The following TTLL5 variants were observed in gnomAD, a reference collection of about 807,000 sequenced individuals.
TTLL5 encodes tubulin tyrosine ligase like 5.
Under a neutral mutation model 168.4 loss-of-function variants are expected in TTLL5, and 132 were observed. The ratio of observed to expected loss-of-function variants is 0.78; its 90% CI spans 0.68 to 0.91. The LOEUF is 0.91. Ranked by LOEUF, TTLL5 falls within the 40% of genes least tolerant of loss-of-function variation. The probability of loss-of-function intolerance (pLI) is 0.00; values close to 1 mark genes in which losing one functional copy is unlikely to be tolerated. For missense variants in TTLL5, 1,545 were observed against 1,581.5 expected, an observed-to-expected ratio of 0.98 and a Z score of 0.39; for synonymous variants, 546 against 558.6, an observed-to-expected ratio of 0.98 and a Z score of 0.32.
At chr14:75,907,950 T>G (rs2033212611) in intron 31 of TTLL5, among the ~76,000 whole-genome samples, 1 of 152,224 alleles carries the variant, frequency 6.6e-6, no homozygotes, top group African/African-American at 2.4e-5. Context: ...ACTGTGATAC[T>G]TGGACCTGCC....
chr14:75,799,843 T>A (rs889344915), intron 27 of TTLL5, among the ~76,000 whole-genome samples: 34 of 152,246 alleles, frequency 2.2e-4, no homozygotes, highest in African/African-American at 8.2e-4. Flanking sequence ...CTGGTGTTAA[T>A]CTAATAGGTT....
At chr14:75,908,235 G>A (rs948349101) in intron 31 of TTLL5, among the ~76,000 whole-genome samples, 4 of 152,266 alleles carry the variant, frequency 2.6e-5, no homozygotes, top group Non-Finnish European at 5.9e-5. Context: ...GGTCTCAGAA[G>A]TCCAGCTCCT....
At chr14:75,917,835 G>A (rs2033675050) in intron 31 of TTLL5, among the ~76,000 whole-genome samples, 1 of 152,186 alleles carries the variant, frequency 6.6e-6, no homozygotes, top group Non-Finnish European at 1.5e-5. Context: ...AGAGGGCTTG[G>A]GAATCACCCC....
At chr14:75,834,291 C>T (rs1895755519) in intron 28 of TTLL5, among the ~76,000 whole-genome samples, 1 of 152,084 alleles carries the variant, frequency 6.6e-6, no homozygotes. Context: ...GGGAGCATCA[C>T]ATTCAAGTAG....
At chr14:75,760,858 C>T (rs981237172) in intron 18 of TTLL5, among the ~76,000 whole-genome samples, 1 of 151,942 alleles carries the variant, frequency 6.6e-6, no homozygotes, top group Non-Finnish European at 1.5e-5. Flanking sequence ...TGTTTTTAGA[C>T]ATGACACAGA....
intron 31 of TTLL5, among the ~76,000 whole-genome samples, chr14:75,907,757 G>A (rs2033202729): frequency 2.6e-5 from 4 of 152,152 alleles, no homozygotes; most frequent in South Asian, 2.1e-4. Flanking sequence ...TTAGCCAATG[G>A]CCCTTTAATT....
chr14:75,899,018 A>T (rs776313122), intron 30 of TTLL5, among the ~76,000 whole-genome samples: 1 of 152,212 alleles, frequency 6.6e-6, no homozygotes, highest in Non-Finnish European at 1.5e-5. Flanking sequence ...ATATTTCTGT[A>T]TGTAGATAGA....
chr14:75,787,110 G>A (rs1892413806), intron 26 of TTLL5, among the ~76,000 whole-genome samples: 1 of 152,050 alleles, frequency 6.6e-6, no homozygotes, highest in South Asian at 2.1e-4. Context: ...TCCAGCCTGG[G>A]CACAGAGCAA....
chr14:75,835,803 A>G (rs1014130959), intron 28 of TTLL5, among the ~76,000 whole-genome samples: 1 of 152,242 alleles, frequency 6.6e-6, no homozygotes, highest in Non-Finnish European at 1.5e-5. Flanking sequence ...AATACTCAGC[A>G]TCATTGATCA....
chr14:75,904,182 A>G, intron 31 of TTLL5: 1 of 1,250,138 alleles, frequency 8.0e-7, no homozygotes, highest in Non-Finnish European at 1.0e-6. Flanking sequence ...CTTGATGGGT[A>G]TCTATTCACC....
At position 75,908,662 on chromosome 14, in the gene TTLL5, G is replaced by C. The variant is rs145350301; in HGVS notation, c.3823+6438G>C. Among the ~76,000 whole-genome samples, 179 of 152,322 alleles carry C rather than the reference G, an allele frequency of 1.2e-3. 1 individual carries two copies. In the East Asian group the frequency reaches 0.034, roughly 29 times the overall value. ...AGCCTGTGTATGACCCCTGTATGCT[G>C]CCCAGGGCAAGTGTCATATTTAAAT... On this transcript the variant is annotated intron_variant, in intron 31 of 31. Transcript: ENST00000298832.
At chr14:75,703,039 GGATCCTTTCCCATGGAATATGT>G (rs1190013919) in intron 7 of TTLL5, among the ~76,000 whole-genome samples, 21 of 152,292 alleles carry the variant, frequency 1.4e-4, no homozygotes, top group Admixed American at 1.3e-3. Context: ...TTCCATGCCT[GGATCCTTTCCCATGGAATATGT>G]GACCCATTAG....
At chr14:75,708,366 T>G (rs893382092) in intron 9 of TTLL5, among the ~76,000 whole-genome samples, 26 of 152,128 alleles carry the variant, frequency 1.7e-4, no homozygotes, top group Non-Finnish European at 3.1e-4. Flanking sequence ...AGGTGCTTTT[T>G]TTTGTTTGTT....
intron 28 of TTLL5, among the ~76,000 whole-genome samples, chr14:75,859,679 T>C (rs1162197988): frequency 6.6e-6 from 1 of 152,178 alleles, no homozygotes; most frequent in Non-Finnish European, 1.5e-5. Context: ...AAAACATTAT[T>C]AGAAAAATAG....
intron 31 of TTLL5, among the ~76,000 whole-genome samples, chr14:75,947,288 G>T (rs1566672669): frequency 6.6e-6 from 1 of 152,076 alleles, no homozygotes; most frequent in African/African-American, 2.4e-5. Flanking sequence ...AAGGATCAAA[G>T]AAAAAGGTTG....
At chr14:75,897,347 T>C (rs2032715024) in intron 30 of TTLL5, among the ~76,000 whole-genome samples, 1 of 152,260 alleles carries the variant, frequency 6.6e-6, no homozygotes, top group Non-Finnish European at 1.5e-5. Flanking sequence ...CGACTGTTCA[T>C]TGAGTTCTTC....
intron 28 of TTLL5, among the ~76,000 whole-genome samples, chr14:75,843,500 A>T (rs1896365323): frequency 1.3e-5 from 2 of 152,252 alleles, no homozygotes; most frequent in South Asian, 4.1e-4. Flanking sequence ...TTAAAAGTTC[A>T]TCTTACACAA....
chr14:75,952,577 C>T lies in TTLL5; in HGVS notation c.3824-1847C>T, dbSNP rs576905545. Among the ~76,000 whole-genome samples, 4 of 152,268 alleles carry T rather than the reference C, an allele frequency of 2.6e-5. No individual in the cohort carries two copies. In the South Asian group the frequency reaches 6.2e-4, roughly 24 times the overall value. The stretch of plus-strand genomic sequence containing the variant: ...ATTTTTACATCATTGTTTATAGAAG[C>T]ATTATTAATAGCCAAGAGGTAGAAA... On this transcript the variant is annotated intron_variant, in intron 31 of 31. Transcript: ENST00000298832.
intron 8 of TTLL5, 25 bp downstream of exon 8, chr14:75,707,112 C>G: frequency 6.3e-7 from 1 of 1,586,344 alleles, no homozygotes; most frequent in Non-Finnish European, 8.6e-7. Flanking sequence ...GGCCCTTGAC[C>G]AAATTGGGCC....
Sources: gnomAD v4.1 joint callset for allele counts (sites outside exome capture counted in the v4.1 genomes callset) on GRCh38, gnomAD v4.1.1 for gene constraint, MANE v1.5 for transcripts, NCBI Gene and HGNC (gene_info 2026-07-23, HGNC 2026-07-21) for gene names.